PCDHA3: variants seen among roughly 807,000 people sequenced by gnomAD.
The protein encoded by PCDHA3 is protocadherin alpha 3.
Under a neutral mutation model 62.2 loss-of-function variants are expected in PCDHA3, and 41 were observed. That is an observed-to-expected ratio of 0.66 (90% CI 0.51 to 0.86). The LOEUF is 0.86. PCDHA3 is among the 40% of genes least tolerant of loss of function. The probability of loss-of-function intolerance (pLI) is 0.00; values close to 1 mark genes in which losing one functional copy is unlikely to be tolerated. For missense variants in PCDHA3, 1,304 were observed against 1,241.2 expected (o/e 1.05, Z -0.76); for synonymous variants, 640 against 555.4 (o/e 1.15, Z -2.14).
intron 1 of PCDHA3, among the ~76,000 whole-genome samples, chr5:140,894,932 A>G (rs2064735231): frequency 6.6e-6 from 1 of 152,184 alleles, no homozygotes; most frequent in Non-Finnish European, 1.5e-5. Flanking sequence ...ATTTCTATTC[A>G]GCTATTGTCA....
At chr5:140,805,411 T>C (rs113198272) in intron 1 of PCDHA3, 1 of 1,074,058 alleles carries the variant, frequency 9.3e-7, no homozygotes, top group African/African-American at 1.7e-5. Flanking sequence ...AGAAATTTGG[T>C]GGGTTTTTTG....
At position 140,978,930 on chromosome 5, in the gene PCDHA3, T is replaced by C; in HGVS notation, c.2395-19T>C. On this transcript the variant is annotated intron_variant, in intron 1 of 3. Transcript: ENST00000522353. ...TTGTCTTGTCATTTTAACAGAAAAC[T>C]CTCTTTGTGATTTTGCAGCCACGAC... 2 of 1,614,088 alleles carry C rather than the reference T, an allele frequency of 1.2e-6. No individual in the cohort carries two copies. Among genetic ancestry groups the C allele is most frequent in the South Asian group, 1.1e-5 (1 of 91,072 alleles).
intron 3 of PCDHA3, among the ~76,000 whole-genome samples, chr5:140,986,070 A>G (rs1554247713): frequency 6.6e-6 from 1 of 152,126 alleles, no homozygotes; most frequent in African/African-American, 2.4e-5. Flanking sequence ...TTTTAAAGAA[A>G]CTGTTCATTT....
chr5:140,805,003 GT>G, intron 1 of PCDHA3: 10 of 1,537,014 alleles, frequency 6.5e-6, no homozygotes, highest in Non-Finnish European at 8.7e-6. Flanking sequence ...TAAAAATTTA[GT>G]TCTGTTATCA....
At chr5:140,896,309 A>T (rs1554186897) in intron 1 of PCDHA3, among the ~76,000 whole-genome samples, 1 of 152,184 alleles carries the variant, frequency 6.6e-6, no homozygotes. Flanking sequence ...AAATCTTCAA[A>T]CTGCTTTCCA....
At chr5:140,884,341 G>C in intron 1 of PCDHA3, 2 of 1,613,910 alleles carry the variant, frequency 1.2e-6, no homozygotes, top group Non-Finnish European at 1.7e-6. Context: ...GTCCAGAAGC[G>C]GCGCTGGTGG....
At chr5:140,845,420 A>T (rs954218239) in intron 1 of PCDHA3, among the ~76,000 whole-genome samples, 2 of 149,530 alleles carry the variant, frequency 1.3e-5, no homozygotes, top group Admixed American at 6.7e-5. Flanking sequence ...GCAATTTATC[A>T]TTTAAGTCAT....
At chr5:140,922,837 C>T (rs1280492516) in intron 1 of PCDHA3, among the ~76,000 whole-genome samples, 2 of 152,134 alleles carry the variant, frequency 1.3e-5, no homozygotes, top group Non-Finnish European at 2.9e-5. Flanking sequence ...AATAGATGTC[C>T]TCAAAGAGAC....
intron 1 of PCDHA3, chr5:140,809,200 G>A (rs550017930): frequency 6.2e-7 from 1 of 1,614,078 alleles, no homozygotes; most frequent in African/African-American, 1.3e-5. Flanking sequence ...CACTTGTGGA[G>A]AGTGGACAGG....
At chr5:140,899,035 G>C (rs2067107583) in intron 1 of PCDHA3, among the ~76,000 whole-genome samples, 1 of 151,908 alleles carries the variant, frequency 6.6e-6, no homozygotes, top group African/African-American at 2.4e-5. Context: ...TTTGTACATT[G>C]ATTTTGTATC....
intron 1 of PCDHA3, chr5:140,857,365 C>G (rs251362): frequency 0.53 from 847,286 of 1,597,488 alleles, 260,121 homozygotes; most frequent in South Asian, 0.6. Flanking sequence ...CCACGGCCAG[C>G]GTGTCTGTGG....
intron 1 of PCDHA3, chr5:140,827,885 TTTC>T (rs1178220618): frequency 1.5e-6 from 1 of 684,818 alleles, no homozygotes; most frequent in Non-Finnish European, 2.5e-6. Context: ...CGTGAATTGA[TTTC>T]TTACCTTTTG....
rs868940218 is a variant in PCDHA3 at position 140,801,092 on chromosome 5, C to T, written c.-106C>T. The T allele has an allele frequency of 5.3e-5, 80 of 1,496,068 alleles. No individual in the cohort carries two copies. In the Middle Eastern group the frequency reaches 1.6e-3, roughly 30 times the overall value. 92.7% of individuals were successfully genotyped at this position (1,496,068 alleles called of 1,614,324 possible). On this transcript the variant is annotated 5_prime_UTR_variant, in exon 1 of 4. Coordinates refer to ENST00000522353, the MANE Select transcript of PCDHA3 (RefSeq NM_018906.3). ...CAGATACTGCTTTGCTTCATCCTCT[C>T]TAAAATTTAACACCGAGGAGTTTAA...
intron 1 of PCDHA3, chr5:140,841,122 T>A (rs1777037982): frequency 1.6e-6 from 1 of 640,424 alleles, no homozygotes; most frequent in South Asian, 2.2e-5. Flanking sequence ...CATGTAATCA[T>A]TACCTTTTGA....
intron 1 of PCDHA3, chr5:140,875,581 G>A (rs1158750138): frequency 6.8e-6 from 11 of 1,613,944 alleles, no homozygotes; most frequent in African/African-American, 4.0e-5. Context: ...CTCCGTCTAC[G>A]AGGAGGCCAA....
chr5:140,819,007 T>C (rs1285743975), intron 1 of PCDHA3, among the ~76,000 whole-genome samples: 1 of 152,248 alleles, frequency 6.6e-6, no homozygotes, highest in East Asian at 1.9e-4. Context: ...ACAGAGGATA[T>C]ATAATATGGA....
intron 1 of PCDHA3, among the ~76,000 whole-genome samples, chr5:140,908,277 T>C (rs2073893618): frequency 6.6e-6 from 1 of 152,162 alleles, no homozygotes; most frequent in Non-Finnish European, 1.5e-5. Context: ...CATGAGGCCA[T>C]TGTTGCAAGC....
At chr5:140,918,309 T>C (rs2078629927) in intron 1 of PCDHA3, among the ~76,000 whole-genome samples, 1 of 152,186 alleles carries the variant, frequency 6.6e-6, no homozygotes, top group Non-Finnish European at 1.5e-5. Context: ...TAGGGTTTTC[T>C]AGGTATAAAA....
chr5:140,927,451 T>C (rs782170767), intron 1 of PCDHA3: 4 of 1,614,082 alleles, frequency 2.5e-6, no homozygotes, highest in South Asian at 1.1e-5. Context: ...GGAGTTGGTG[T>C]TGGAGAAAGC....
Sources: allele counts gnomAD v4.1 joint callset (sites outside exome capture counted in the v4.1 genomes callset), GRCh38; gene constraint gnomAD v4.1.1; transcripts MANE v1.5; gene names NCBI Gene and HGNC (gene_info 2026-07-23, HGNC 2026-07-21).